The following TMEM182 variants were observed in gnomAD, a reference collection of about 807,000 sequenced individuals.
TMEM182 encodes the protein transmembrane protein 182.
In TMEM182, 20 loss-of-function variants were observed where a neutral mutation model predicts 26.8. The observed-to-expected ratio is 0.75, with a 90% CI of 0.53 to 1.09. The LOEUF is 1.09. Ranked by LOEUF, TMEM182 falls within the 50% of genes least tolerant of loss-of-function variation. The probability of loss-of-function intolerance (pLI) is 0.00; values close to 1 mark genes in which losing one functional copy is unlikely to be tolerated. For synonymous variants in TMEM182, 109 were observed against 102.2 expected (o/e 1.07, Z -0.40); for missense variants, 277 against 275.5 (o/e 1.01, Z -0.04).
Position 102,742,065 on chromosome 2 carries a change from C to T in TMEM182, c.-83+5052C>T, listed in dbSNP as rs148862973. Among the ~76,000 whole-genome samples, 30 of 152,264 alleles carry T rather than the reference C, an allele frequency of 2.0e-4. 1 individual carries two copies. The highest frequency in any genetic ancestry group is 1.2e-3 in the Admixed American group (18 of 15,298). Reference sequence around the variant, plus strand: ...GCGTTAGAACTAGACTCAGATATGACACAGGTCTTGGAATTATTAGACATG... The same window carrying T: ...GCGTTAGAACTAGACTCAGATATGATACAGGTCTTGGAATTATTAGACATG... On this transcript the variant is annotated intron_variant, in intron 1 of 5. Transcript: ENST00000409173.
intron 1 of TMEM182, among the ~76,000 whole-genome samples, chr2:102,744,578 T>G (rs554743184): frequency 6.6e-6 from 1 of 152,124 alleles, no homozygotes; most frequent in Non-Finnish European, 1.5e-5. Context: ...TCTTTTAGCG[T>G]TTCTTATAGA....
chr2:102,772,962 G>GTA (rs1680743702), intron 3 of TMEM182, among the ~76,000 whole-genome samples: 1 of 151,958 alleles, frequency 6.6e-6, no homozygotes, highest in African/African-American at 2.4e-5. Flanking sequence ...GTGTGTGTGT[G>GTA]TGTCCACATA....
At position 102,766,197 on chromosome 2, in the gene TMEM182, C is replaced by T. The variant is rs561732562; in HGVS notation, c.331+1770C>T. Among the ~76,000 whole-genome samples the T allele has an allele frequency of 1.6e-4, 24 of 152,238 alleles. No homozygotes were observed. The East Asian group carries it at 4.1e-3, about 26-fold the overall frequency. ...TCCCATATTTGAAAAGCCTGCACTT[C>T]AAGGAGATAGTGGAGAACTTGAAAA... On this transcript the variant is annotated intron_variant, in intron 3 of 4. Coordinates refer to ENST00000412401, the MANE Select transcript of TMEM182 (RefSeq NM_144632.5).
At chr2:102,779,115 T>G (rs985544294) in intron 3 of TMEM182, among the ~76,000 whole-genome samples, 2 of 152,194 alleles carry the variant, frequency 1.3e-5, no homozygotes, top group African/African-American at 4.8e-5. Flanking sequence ...GTTAACAATT[T>G]TTTTTTCTTT....
rs1349651327 is a variant in TMEM182, at chr2:102,817,390, T to G, written c.*2422T>G. The G allele has an allele frequency of 1.0e-6, 1 of 985,430 alleles. No individual in the cohort carries two copies. The allele number at this position is 985,430 out of a possible 1,614,324, so 61.0% of individuals were successfully genotyped here. A position where few individuals can be genotyped will look rare whatever the true frequency, so the allele number is the denominator to read the frequency against. ...TAGAAAGAGTGAATAAAAAGGGCAG[T>G]GAGTTATGCTCTTGGACTTGGTGAA... On this transcript the variant is annotated 3_prime_UTR_variant, in exon 5 of 5. Transcript: ENST00000412401.
At chr2:102,836,793 C>A (rs1188899854) in intron 3 of TMEM182, among the ~76,000 whole-genome samples, 1 of 152,198 alleles carries the variant, frequency 6.6e-6, no homozygotes, top group Non-Finnish European at 1.5e-5. Context: ...AGCTGTGCTG[C>A]CCCACAGACA....
At chr2:102,775,777 C>G (rs967110889) in intron 3 of TMEM182, among the ~76,000 whole-genome samples, 10 of 152,042 alleles carry the variant, frequency 6.6e-5, no homozygotes, top group African/African-American at 2.4e-4. Flanking sequence ...CATGAGTGAA[C>G]TCCCATTCAT....
intron 4 of TMEM182, among the ~76,000 whole-genome samples, chr2:102,805,327 G>C (rs967828703): frequency 6.6e-6 from 1 of 152,124 alleles, no homozygotes; most frequent in Non-Finnish European, 1.5e-5. Flanking sequence ...CATCTTAGTT[G>C]GGTGAAGGCT....
At chr2:102,772,430 G>A (rs546698647) in intron 3 of TMEM182, among the ~76,000 whole-genome samples, 37 of 152,236 alleles carry the variant, frequency 2.4e-4, no homozygotes, top group African/African-American at 8.7e-4. Context: ...CTTCCACACT[G>A]AGTAGGGTGA....
intron 1 of TMEM182, chr2:102,737,016 A>G (rs1679372651): frequency 3.5e-6 from 2 of 573,220 alleles, no homozygotes; most frequent in East Asian, 3.1e-5. Flanking sequence ...TCAATACGGT[A>G]AGCACACACC....
chr2:102,818,532 C>T (rs1468909002), downstream of TMEM182, among the ~76,000 whole-genome samples: 2 of 152,112 alleles, frequency 1.3e-5, no homozygotes, highest in African/African-American at 4.8e-5. Context: ...CTGGACTAGC[C>T]TGTGAGAGTG....
intron 3 of TMEM182, among the ~76,000 whole-genome samples, chr2:102,790,745 A>G (rs887436451): frequency 6.6e-6 from 1 of 152,192 alleles, no homozygotes; most frequent in African/African-American, 2.4e-5. Context: ...TACCCAAGAC[A>G]TGAGCTCCTT....
intron 3 of TMEM182, among the ~76,000 whole-genome samples, chr2:102,842,990 G>A (rs969079811): frequency 9.2e-5 from 14 of 152,232 alleles, no homozygotes; most frequent in African/African-American, 3.4e-4. Context: ...GTGGGCTTTT[G>A]ATACAATGTA....
rs542356677 is a variant in TMEM182, at chr2:102,776,696, G to T, written c.331+12269G>T. 1.1e-4 allele frequency among the ~76,000 whole-genome samples: 17 copies of T among 152,230 alleles called. No homozygotes were observed. In the South Asian group the frequency reaches 3.3e-3, roughly 30 times the overall value. ...TACCAAGGAGTGCAATTTCTGGATC[G>T]TATGGTGAGAGCATGCTTAAAGAAG... On this transcript the variant is annotated intron_variant, in intron 3 of 4. Transcript: ENST00000412401.
chr2:102,785,516 A>G (rs1345084805), intron 3 of TMEM182, among the ~76,000 whole-genome samples: 2 of 152,224 alleles, frequency 1.3e-5, no homozygotes, highest in African/African-American at 4.8e-5. Flanking sequence ...CTAGCCTAGC[A>G]CAGTAGCTGA....
intron 3 of TMEM182, among the ~76,000 whole-genome samples, chr2:102,768,808 C>T (rs1483255560): frequency 6.6e-6 from 1 of 151,946 alleles, no homozygotes; most frequent in African/African-American, 2.4e-5. Context: ...TTATCTAGTA[C>T]TATTTTCTGG....
chr2:102,771,928 G>C (rs1026799025), intron 3 of TMEM182, among the ~76,000 whole-genome samples: 1 of 152,176 alleles, frequency 6.6e-6, no homozygotes, highest in Non-Finnish European at 1.5e-5. Flanking sequence ...GGTGTCCTGG[G>C]TGTGGGTGGG....
chr2:102,747,530 T>A (rs1424800223), intron 1 of TMEM182, among the ~76,000 whole-genome samples: 1 of 152,212 alleles, frequency 6.6e-6, no homozygotes, highest in Non-Finnish European at 1.5e-5. Context: ...GCAGAGGTCA[T>A]GACAACAGGA....
At chr2:102,803,782 G>C (rs1682240399) in intron 4 of TMEM182, among the ~76,000 whole-genome samples, 1 of 152,190 alleles carries the variant, frequency 6.6e-6, no homozygotes, top group African/African-American at 2.4e-5. Context: ...GAGAGTGTGT[G>C]GGGCAAGTCA....
Sources: gnomAD v4.1 joint callset for allele counts (sites outside exome capture counted in the v4.1 genomes callset) on GRCh38, gnomAD v4.1.1 for gene constraint, MANE v1.5 for transcripts, NCBI Gene and HGNC (gene_info 2026-07-23, HGNC 2026-07-21) for gene names.